Variants in ZNF37A observed in about 807,000 individuals in gnomAD.
ZNF37A encodes the protein zinc finger protein 37a (KOX 21).
Under a neutral mutation model 12.3 loss-of-function variants are expected in ZNF37A, and 10 were observed. The ratio of observed to expected loss-of-function variants is 0.82; its 90% CI spans 0.50 to 1.38. The LOEUF (loss-of-function observed/expected upper bound fraction) is 1.38. ZNF37A is among the 40% of genes most tolerant of loss of function. The pLI is 0.00. For missense variants in ZNF37A, 580 were observed against 651.2 expected, an observed-to-expected ratio of 0.89 and a Z score of 1.19; for synonymous variants, 207 against 223.0, an observed-to-expected ratio of 0.93 and a Z score of 0.64.
intron 5 of ZNF37A, among the ~76,000 whole-genome samples, chr10:38,111,394 A>C (rs1334556036): frequency 6.6e-6 from 1 of 151,926 alleles, no homozygotes; most frequent in Non-Finnish European, 1.5e-5. Context: ...TGATGGGTTG[A>C]TGGGTGCAGC....
rs148878463 is a variant in ZNF37A, at chr10:38,094,772, T to C, written c.-491-159T>C. Among the ~76,000 whole-genome samples, 758 of 152,306 alleles carry C rather than the reference T, an allele frequency of 5.0e-3. 5 individuals are homozygous for C. The highest frequency in any genetic ancestry group is 0.027 in the Middle Eastern group (8 of 294). ...ATTCTTTCCCCTCAGAATCTCGCTG[T>C]CCTCACAACCACCTGTGGTCGGCGT... On this transcript the variant is annotated intron_variant, in intron 1 of 7. Transcript: ENST00000685332.
intron 6 of ZNF37A, 41 bp downstream of exon 6, chr10:38,114,922 T>C (rs775475448): frequency 8.3e-6 from 13 of 1,568,544 alleles, no homozygotes; most frequent in Non-Finnish European, 1.1e-5. Flanking sequence ...CCAGAATGCA[T>C]GTCCTTTCTT....
intron 7 of ZNF37A, among the ~76,000 whole-genome samples, chr10:38,133,104 GCAT>G (rs1475763257): frequency 6.6e-6 from 1 of 151,796 alleles, no homozygotes; most frequent in Non-Finnish European, 1.5e-5. Flanking sequence ...GTTACTATTT[GCAT>G]GTAATATATT....
At chr10:38,100,232 G>C (rs780135662) in intron 5 of ZNF37A, among the ~76,000 whole-genome samples, 29 of 152,204 alleles carry the variant, frequency 1.9e-4, no homozygotes, top group Non-Finnish European at 3.5e-4. Flanking sequence ...GAGATCACAG[G>C]ACCGCAGGAC....
chr10:38,109,740 C>T (rs928813057), intron 5 of ZNF37A, among the ~76,000 whole-genome samples: 4 of 152,140 alleles, frequency 2.6e-5, no homozygotes, highest in African/African-American at 9.7e-5. Flanking sequence ...TTCCCATTCA[C>T]AATTTCTACA....
intron 5 of ZNF37A, among the ~76,000 whole-genome samples, chr10:38,105,197 G>A (rs1167604891): frequency 6.6e-6 from 1 of 151,896 alleles, no homozygotes; most frequent in East Asian, 1.9e-4. Context: ...TAGAGACAGG[G>A]TTTCTCCATG....
chr10:38,144,350 CCT>C (rs2070225479), intron 7 of ZNF37A: 2 of 151,930 alleles, frequency 1.3e-5, no homozygotes, highest in Admixed American at 6.6e-5. Context: ...CAGTGACTTC[CCT>C]GTTTTAAAAA....
At chr10:38,109,781 AC>A (rs1262007541) in intron 5 of ZNF37A, among the ~76,000 whole-genome samples, 1 of 152,234 alleles carries the variant, frequency 6.6e-6, no homozygotes. Flanking sequence ...AATACAAGTT[AC>A]ACGGGATGCG....
At position 38,112,788 on chromosome 10, in the gene ZNF37A, T is replaced by TCTTGTCTTGTCTTGTCTTG. The variant is rs1564932518; in HGVS notation, c.16-1967_16-1966insCTTGTCTTGTCTTGTCTTG. Among the ~76,000 whole-genome samples, 21 of 111,430 alleles carry TCTTGTCTTGTCTTGTCTTG rather than the reference T, an allele frequency of 1.9e-4. 1 individual carries two copies. Among genetic ancestry groups the TCTTGTCTTGTCTTGTCTTG allele is most frequent in the African/African-American group, 3.7e-4 (11 of 29,434 alleles). The allele number at this position is 111,430 out of a possible 152,430, so 73.1% of individuals were successfully genotyped here. A position where few individuals can be genotyped will look rare whatever the true frequency, so the allele number is the denominator to read the frequency against. ...TTCTTTTCTTTTCTTTTCTTTTCTT[T>TCTTGTCTTGTCTTGTCTTG]TCTTTTCTTGTCTTGTCTTGTCTTC... On this transcript the variant is annotated intron_variant, in intron 5 of 7. Coordinates refer to ENST00000685332, the MANE Select transcript of ZNF37A (RefSeq NM_001324250.3).
In ZNF37A at chr10:38,120,491, A is replaced by G. The variant is rs1219688793; in HGVS notation, c.*1654A>G. On this transcript the variant is annotated 3_prime_UTR_variant, in exon 8 of 8. Transcript: ENST00000685332. ...GGTATAGTAGTTGGCAGCAGAATGG[A>G]CCCATTGAGGATAACTATAAAATTA... 1 of 152,186 alleles carries G rather than the reference A, an allele frequency of 6.6e-6. No individual in the cohort carries two copies. Among genetic ancestry groups the G allele is most frequent in the Admixed American group, 6.6e-5 (1 of 15,260 alleles). 9.4% of individuals were successfully genotyped at this position (152,186 alleles called of 1,614,324 possible).
chr10:38,150,018 C>T (rs1453771379), exon 8 of ZNF37A: 1 of 152,198 alleles, frequency 6.6e-6, no homozygotes, highest in Non-Finnish European at 1.5e-5. Flanking sequence ...TGAAGTATTT[C>T]CTGAATAGAG....
rs192565138 is a variant in ZNF37A at position 38,145,102 on chromosome 10, G to A, written c.239-1630G>A. On this transcript the variant is annotated intron_variant, in intron 7 of 7. Coordinates refer to the ZNF37A transcript ENST00000638053. ...TTCTCACTCCTTCACACCTGGGGCA[G>A]TTTTGAACGGCTTGGATGCTAAACA... Among the ~76,000 whole-genome samples the A allele has an allele frequency of 1.1e-4, 17 of 152,280 alleles. No individual in the cohort carries two copies. The East Asian group carries it at 2.9e-3, about 26-fold the overall frequency.
intron 7 of ZNF37A, among the ~76,000 whole-genome samples, chr10:38,132,286 G>A (rs772954589): frequency 3.3e-5 from 5 of 151,964 alleles, no homozygotes; most frequent in Non-Finnish European, 5.9e-5. Context: ...TTTATTCCTA[G>A]TTTTCTGAAA....
intron 7 of ZNF37A, chr10:38,137,549 G>A (rs778417837): frequency 5.9e-5 from 9 of 152,156 alleles, no homozygotes; most frequent in Admixed American, 1.3e-4. Context: ...TATCAGAGAA[G>A]CACTCCATAA....
chr10:38,096,380 CA>C (rs2067156416), intron 4 of ZNF37A, among the ~76,000 whole-genome samples, 193 bp from the exon 5 acceptor site: 1 of 152,116 alleles, frequency 6.6e-6, no homozygotes, highest in African/African-American at 2.4e-5. Flanking sequence ...TGTTAGAGTA[CA>C]GCATAAATTG....
At chr10:38,105,007 CTTT>C (rs386371223) in intron 5 of ZNF37A, among the ~76,000 whole-genome samples, 1 of 139,598 alleles carries the variant, frequency 7.2e-6, no homozygotes, top group Non-Finnish European at 1.6e-5. Flanking sequence ...AATATTTTTT[CTTT>C]TTTTTTTTTT....
intron 7 of ZNF37A, among the ~76,000 whole-genome samples, chr10:38,135,153 A>G (rs2070091025): frequency 6.6e-6 from 1 of 152,204 alleles, no homozygotes; most frequent in South Asian, 2.1e-4. Flanking sequence ...TTGGGAGGCC[A>G]AGGCAGGTGG....
chr10:38,107,809 T>C (rs2068254403), intron 5 of ZNF37A, among the ~76,000 whole-genome samples: 1 of 152,312 alleles, frequency 6.6e-6, no homozygotes, highest in African/African-American at 2.4e-5. Flanking sequence ...CTAACGACCC[T>C]AAATATATAT....
chr10:38,144,707 A>G (rs191219351), intron 7 of ZNF37A, among the ~76,000 whole-genome samples: 7 of 152,158 alleles, frequency 4.6e-5, no homozygotes, highest in Admixed American at 4.6e-4. Flanking sequence ...TCAATTACCT[A>G]TGTCTGCTTG....
Sources: allele counts gnomAD v4.1 joint callset (sites outside exome capture counted in the v4.1 genomes callset), GRCh38; gene constraint gnomAD v4.1.1; transcripts MANE v1.5; gene names NCBI Gene and HGNC (gene_info 2026-07-23, HGNC 2026-07-21).